Variants in WWOX observed in about 807,000 individuals in gnomAD.
The protein encoded by WWOX is WW domain containing oxidoreductase.
In WWOX, 69 loss-of-function variants were observed where a neutral mutation model predicts 46.2. The observed-to-expected ratio is 1.49, with a 90% confidence interval of 1.23 to 1.82. The LOEUF is 1.82. Among genes scored for constraint, WWOX ranks in the 40% most tolerant of loss-of-function variants. The probability of loss-of-function intolerance (pLI) is 0.00; values close to 1 mark genes in which losing one functional copy is unlikely to be tolerated. For missense variants in WWOX, 919 were observed against 542.6 expected, an observed-to-expected ratio of 1.69 and a Z score of -6.89; for synonymous variants, 359 against 202.6, an observed-to-expected ratio of 1.77 and a Z score of -6.56.
intron 6 of WWOX, among the ~76,000 whole-genome samples, chr16:78,397,084 G>A (rs550795185): frequency 8.5e-5 from 13 of 152,150 alleles, no homozygotes; most frequent in Non-Finnish European, 4.4e-5. Context: ...TCGATGTTGT[G>A]TGCATAGTTA....
intron 8 of WWOX, among the ~76,000 whole-genome samples, chr16:79,034,965 T>G (rs1312873591): frequency 6.6e-6 from 1 of 152,216 alleles, no homozygotes; most frequent in Non-Finnish European, 1.5e-5. Context: ...AAGGCAAGTA[T>G]AAATCAGAAG....
chr16:78,887,809 C>T lies in WWOX; in HGVS notation c.1057-323799C>T, dbSNP rs184400200. ...CACATTTGTGCAATTAAGAGTTTTG[C>T]TGAGTGAGCTTAGGACTCTGTCTCT... On this transcript the variant is annotated intron_variant, in intron 8 of 8. Transcript: ENST00000566780. Among the ~76,000 whole-genome samples, 7 of 152,272 alleles carry T rather than the reference C, an allele frequency of 4.6e-5. No homozygotes were observed. In the East Asian group the frequency reaches 9.7e-4, roughly 21 times the overall value.
chr16:79,181,412 T>C (rs1469655891), intron 8 of WWOX, among the ~76,000 whole-genome samples: 1 of 152,198 alleles, frequency 6.6e-6, no homozygotes, highest in Non-Finnish European at 1.5e-5. Flanking sequence ...TACAGCAATA[T>C]ATGTTATTAT....
intron 8 of WWOX, among the ~76,000 whole-genome samples, chr16:79,168,314 C>T (rs1039055861): frequency 2.6e-5 from 4 of 152,180 alleles, no homozygotes; most frequent in Admixed American, 2.0e-4. Flanking sequence ...AACTGCTATC[C>T]ACAGTGGCTG....
Position 78,990,506 on chromosome 16 carries a change from A to G in WWOX, c.1057-221102A>G, listed in dbSNP as rs115203612. 9.7e-4 allele frequency among the ~76,000 whole-genome samples: 147 copies of G among 152,326 alleles called. 3 individuals carry two copies. The highest frequency in any genetic ancestry group is 3.5e-3 in the African/African-American group (145 of 41,566). On this transcript the variant is annotated intron_variant, in intron 8 of 8. Transcript: ENST00000566780. ...CTGCAAACTCTGTGGCCTGCATTCTATCAATGCCAAAATGCACATCACACT... is the reference window on the plus strand; with the variant it reads ...CTGCAAACTCTGTGGCCTGCATTCTGTCAATGCCAAAATGCACATCACACT...
intron 8 of WWOX, among the ~76,000 whole-genome samples, chr16:78,909,214 A>G (rs1057282140): frequency 1.3e-5 from 2 of 152,084 alleles, no homozygotes; most frequent in Non-Finnish European, 2.9e-5. Context: ...TGTTTTAATA[A>G]CAGCCAGTCG....
intron 8 of WWOX, chr16:79,206,737 A>C (rs2051525127): frequency 6.6e-6 from 1 of 152,182 alleles, no homozygotes; most frequent in South Asian, 2.1e-4. Flanking sequence ...TTCCAAATTG[A>C]ATTGTATAAT....
At chr16:78,396,337 T>C (rs555268108) in intron 6 of WWOX, among the ~76,000 whole-genome samples, 3 of 152,280 alleles carry the variant, frequency 2.0e-5, no homozygotes, top group Non-Finnish European at 2.9e-5. Flanking sequence ...TTTTGCCATA[T>C]TAAAAGTCAT....
chr16:79,018,145 T>C (rs1312444613), intron 8 of WWOX, among the ~76,000 whole-genome samples: 2 of 152,182 alleles, frequency 1.3e-5, no homozygotes, highest in Admixed American at 1.3e-4. Context: ...TTCAAGAATC[T>C]TCCGGTTAAA....
At chr16:79,013,793 C>T (rs947545194) in intron 8 of WWOX, among the ~76,000 whole-genome samples, 1 of 152,158 alleles carries the variant, frequency 6.6e-6, no homozygotes, top group Non-Finnish European at 1.5e-5. Flanking sequence ...ATTTTTTTAG[C>T]CCAATTGCCT....
intron 8 of WWOX, among the ~76,000 whole-genome samples, chr16:78,757,321 C>A (rs894160508): frequency 1.6e-5 from 2 of 125,394 alleles, no homozygotes; most frequent in African/African-American, 5.0e-5. Context: ...ACTTTCTTAC[C>A]ACCTACCCCA....
chr16:78,375,365 C>T (rs564250963), intron 5 of WWOX, among the ~76,000 whole-genome samples: 1 of 152,180 alleles, frequency 6.6e-6, no homozygotes, highest in Non-Finnish European at 1.5e-5. Context: ...TAAGTTGTTG[C>T]TGCCACTATG....
chr16:78,423,637 G>C (rs1466538357), intron 6 of WWOX, among the ~76,000 whole-genome samples: 1 of 152,028 alleles, frequency 6.6e-6, no homozygotes, highest in Non-Finnish European at 1.5e-5. Flanking sequence ...AGACCACCTT[G>C]ACCACCTTGG....
intron 8 of WWOX, among the ~76,000 whole-genome samples, chr16:78,537,787 G>A (rs1278563766): frequency 1.3e-5 from 2 of 152,122 alleles, no homozygotes; most frequent in Non-Finnish European, 1.5e-5. Context: ...GGATTTGAAA[G>A]GGAGGTAATC....
At chr16:78,419,566 G>C (rs1186442609) in intron 6 of WWOX, among the ~76,000 whole-genome samples, 1 of 133,274 alleles carries the variant, frequency 7.5e-6, no homozygotes, top group Non-Finnish European at 1.5e-5. Flanking sequence ...CCACTGGATA[G>C]CCCCATGCAA....
chr16:78,482,453 C>T (rs186727082), intron 8 of WWOX, among the ~76,000 whole-genome samples: 1 of 152,166 alleles, frequency 6.6e-6, no homozygotes, highest in African/African-American at 2.4e-5. Flanking sequence ...GAACTCCTCA[C>T]TTCAGGTGAT....
intron 6 of WWOX, among the ~76,000 whole-genome samples, chr16:78,402,551 A>G (rs898560741): frequency 7.9e-5 from 12 of 152,006 alleles, no homozygotes; most frequent in African/African-American, 2.7e-4. Flanking sequence ...CACTTCCCCC[A>G]AGCTCAACAC....
chr16:78,306,411 C>G (rs541359977), intron 5 of WWOX, among the ~76,000 whole-genome samples: 2 of 152,266 alleles, frequency 1.3e-5, no homozygotes, highest in Non-Finnish European at 2.9e-5. Context: ...GTAGATATTT[C>G]AGAACCCTGC....
chr16:78,755,695 G>C (rs1017162581), intron 8 of WWOX, among the ~76,000 whole-genome samples: 1 of 152,146 alleles, frequency 6.6e-6, no homozygotes, highest in Non-Finnish European at 1.5e-5. Context: ...AGGGCCATGT[G>C]ACAAATACCC....
Sources: allele counts gnomAD v4.1 joint callset (sites outside exome capture counted in the v4.1 genomes callset), GRCh38; gene constraint gnomAD v4.1.1; transcripts MANE v1.5; gene names NCBI Gene and HGNC (gene_info 2026-07-23, HGNC 2026-07-21).